DIPK2B: variants seen among roughly 807,000 people sequenced by gnomAD.
DIPK2B encodes UPF0672 protein CXorf36.
A neutral mutation model predicts 22.2 loss-of-function variants in DIPK2B; 15 were observed. The ratio of observed to expected loss-of-function variants is 0.68; its 90% confidence interval spans 0.45 to 1.04. The LOEUF (loss-of-function observed/expected upper bound fraction) is 1.04. Ranked by LOEUF, DIPK2B falls within the 50% of genes least tolerant of loss-of-function variation. The pLI is 0.00. For missense variants in DIPK2B, 345 were observed against 348.3 expected, an observed-to-expected ratio of 0.99 and a Z score of 0.08; for synonymous variants, 163 against 153.2, an observed-to-expected ratio of 1.06 and a Z score of -0.47.
rs746977032 is a variant in DIPK2B, at chrX:45,191,781, C to T, written c.468G>A (p.Gln156=). ...CCAGGTCCGGCGTGAGGCGCTTGGC[C>T]TGCAGCCATTTCTGGAACCTCTCTG... ...RKTERFQKWL[Q]AKRLTPDLVQ... The change falls in exon 2 of 5, where the codon CAG becomes CAA. Residue 156 remains glutamine, a synonymous_variant. Coordinates refer to ENST00000398000, the MANE Select transcript of DIPK2B (RefSeq NM_176819.4). 4.1e-6 allele frequency: 5 copies of T among 1,211,963 alleles called. No individual in the cohort carries two copies. The highest frequency in any genetic ancestry group is 5.6e-6 in the Non-Finnish European group (5 of 895,590).
chrX:45,162,066 C>T (rs1010224280), intron 2 of DIPK2B, among the ~76,000 whole-genome samples: 1 of 111,156 alleles, frequency 9.0e-6, no homozygotes, highest in African/African-American at 3.3e-5. Flanking sequence ...AACCACCATG[C>T]TGTAAGGAAG....
intron 1 of DIPK2B, among the ~76,000 whole-genome samples, chrX:45,196,855 A>G (rs973249968): frequency 2.7e-5 from 3 of 112,156 alleles, no homozygotes; most frequent in Non-Finnish European, 5.6e-5. Context: ...TTAACTTTTC[A>G]TTCAGGATTT....
chrX:45,170,291 A>G (rs1023681196), intron 2 of DIPK2B, among the ~76,000 whole-genome samples: 3 of 108,145 alleles, frequency 2.8e-5, no homozygotes, highest in African/African-American at 1.0e-4. Context: ...ATCCGGAAAG[A>G]GGATGCCCCA....
At chrX:45,168,288 C>T (rs1319399314) in intron 2 of DIPK2B, among the ~76,000 whole-genome samples, 11 of 112,405 alleles carry the variant, frequency 9.8e-5, no homozygotes, top group Admixed American at 9.4e-4. Flanking sequence ...AAGTCAGGTG[C>T]AAAGGGTAGA....
At chrX:45,163,683 G>A in intron 2 of DIPK2B, 2 of 754,879 alleles carry the variant, frequency 2.6e-6, no homozygotes, top group Non-Finnish European at 3.1e-6. Flanking sequence ...AAAAGTAAAA[G>A]AGGTATGCTT....
intron 2 of DIPK2B, among the ~76,000 whole-genome samples, chrX:45,177,949 T>C (rs2047127722): frequency 8.9e-6 from 1 of 112,304 alleles, no homozygotes; most frequent in Non-Finnish European, 1.9e-5. Context: ...ATGAAGTGTT[T>C]ACTTTATGTC....
At chrX:45,159,015 C>T (rs1302693412) in intron 2 of DIPK2B, among the ~76,000 whole-genome samples, 7 of 111,179 alleles carry the variant, frequency 6.3e-5, no homozygotes, top group Non-Finnish European at 1.1e-4. Context: ...GCCCTGCCCC[C>T]CTCTCCATAA....
chrX:45,155,991 G>A (rs1161689243), intron 3 of DIPK2B, among the ~76,000 whole-genome samples: 1 of 63,452 alleles, frequency 1.6e-5, no homozygotes, highest in Non-Finnish European at 2.7e-5. Flanking sequence ...TTTTTAGACA[G>A]AGTCTTGCTC....
At chrX:45,154,859 G>T (rs181847044) in intron 3 of DIPK2B, among the ~76,000 whole-genome samples, 27 of 110,804 alleles carry the variant, frequency 2.4e-4, no homozygotes, top group Admixed American at 1.9e-3. Flanking sequence ...GCCCAAGCTG[G>T]AGTGCAGTGG....
intron 2 of DIPK2B, among the ~76,000 whole-genome samples, chrX:45,166,422 C>G (rs1358187941): frequency 9.0e-6 from 1 of 110,918 alleles, no homozygotes; most frequent in Admixed American, 9.6e-5. Context: ...GAGGGAAGGG[C>G]AGCGGGTTAG....
intron 1 of DIPK2B, among the ~76,000 whole-genome samples, chrX:45,196,941 G>A (rs747613479): frequency 1.8e-5 from 2 of 112,059 alleles, no homozygotes; most frequent in Non-Finnish European, 3.8e-5. Context: ...GTTGAGTATG[G>A]GCAGTATGTG....
chrX:45,167,717 CT>C (rs2047056547), intron 2 of DIPK2B, among the ~76,000 whole-genome samples: 2 of 110,290 alleles, frequency 1.8e-5, no homozygotes, highest in Non-Finnish European at 3.8e-5. Context: ...TGGAGTCTCA[CT>C]CAGTCACCCA....
intron 2 of DIPK2B, chrX:45,163,991 A>G: frequency 1.0e-6 from 1 of 967,208 alleles, no homozygotes; most frequent in Non-Finnish European, 1.3e-6. Context: ...TCATCAGAGA[A>G]TATTGTGCAA....
intron 1 of DIPK2B, among the ~76,000 whole-genome samples, chrX:45,195,890 T>C (rs1420067011): frequency 8.9e-6 from 1 of 112,153 alleles, no homozygotes; most frequent in East Asian, 2.8e-4. Context: ...GTCTGGAAAA[T>C]CCCAATGTAG....
chrX:45,159,719 CAGG>C (rs1569544476), intron 2 of DIPK2B, among the ~76,000 whole-genome samples: 1 of 111,798 alleles, frequency 8.9e-6, no homozygotes, highest in Non-Finnish European at 1.9e-5. Flanking sequence ...TTGGAGCCAA[CAGG>C]AGGAGGGCCA....
chrX:45,189,925 A>T (rs770510054), intron 2 of DIPK2B, among the ~76,000 whole-genome samples: 9 of 112,144 alleles, frequency 8.0e-5, no homozygotes, highest in Non-Finnish European at 1.5e-4. Context: ...AAGTAAAGTA[A>T]AAATTTTTCT....
chrX:45,191,990 G>T lies in DIPK2B; in HGVS notation c.259C>A (p.Leu87Ile). ...IRSDNWLASH[L>I]GLPPDSLLSY... is the part of the protein sequence containing the mutation. ...AGCAAGGAATCGGGAGGCAGTCCAA[G>T]GTGGGAAGCCAGCCAGTTGTCAGAT... is the stretch of plus-strand genomic sequence containing the variant. The change falls in exon 2 of 5, where the codon CTT (leucine) becomes ATT (isoleucine). Residue 87 changes from leucine (L) to isoleucine (I), a missense_variant. Transcript: ENST00000398000. 8.3e-7 allele frequency: 1 copy of T among 1,210,668 alleles called. No individual in the cohort carries two copies. Among genetic ancestry groups the T allele is most frequent in the Non-Finnish European group, 1.1e-6 (1 of 894,828 alleles).
chrX:45,199,436 C>A (rs954236049), intron 1 of DIPK2B, among the ~76,000 whole-genome samples: 1 of 111,059 alleles, frequency 9.0e-6, no homozygotes, highest in Non-Finnish European at 1.9e-5. Context: ...GGCCCCAATT[C>A]CTTGGCATGG....
rs781046891 is a variant in DIPK2B, at chrX:45,151,780, T to C, written c.1174A>G (p.Ser392Gly). The C allele has an allele frequency of 4.1e-6, 5 of 1,212,098 alleles. No individual in the cohort carries two copies. The East Asian group carries it at 1.5e-4, about 36-fold the overall frequency. ...IDSILVQCGD[S>G]IRPDPEVLGA... ...AGGACTTCTGGGTCTGGGCGGATGC[T>C]GTCCCCACACTGAACAAGGATGGAG... The change falls in exon 5 of 5, where the codon AGC becomes GGC. Residue 392 changes from serine (S) to glycine (G), a missense_variant. By Grantham distance (56) the Ser-to-Gly change is moderately conservative. Coordinates refer to ENST00000398000, the MANE Select transcript of DIPK2B (RefSeq NM_176819.4).
Sources: allele counts gnomAD v4.1 joint callset (sites outside exome capture counted in the v4.1 genomes callset), GRCh38; gene constraint gnomAD v4.1.1; transcripts MANE v1.5; gene names NCBI Gene and HGNC (gene_info 2026-07-23, HGNC 2026-07-21).